RBMS3: variants seen among roughly 807,000 people sequenced by gnomAD.
RBMS3 encodes the protein RNA-binding motif, single-stranded-interacting protein 3.
RBMS3 carries 27 observed loss-of-function variants against 66.8 expected under a neutral mutation model. The ratio of observed to expected loss-of-function variants is 0.40; its 90% CI spans 0.30 to 0.56. The LOEUF is 0.56. Ranked by LOEUF, RBMS3 falls within the 20% of genes least tolerant of loss-of-function variation. The probability of loss-of-function intolerance (pLI) is 0.40; values close to 1 mark genes in which losing one functional copy is unlikely to be tolerated. For synonymous variants in RBMS3, 188 were observed against 183.0 expected, an observed-to-expected ratio of 1.03 and a Z score of -0.22; for missense variants, 513 against 549.5, an observed-to-expected ratio of 0.93 and a Z score of 0.66.
At chr3:29,994,568 C>T (rs1359443248) in intron 14 of RBMS3, among the ~76,000 whole-genome samples, 29 of 152,326 alleles carry the variant, frequency 1.9e-4, no homozygotes, top group African/African-American at 5.1e-4. Flanking sequence ...TCTCCCAGCA[C>T]GCAGCTGGAG....
intron 2 of RBMS3, among the ~76,000 whole-genome samples, chr3:29,444,233 C>T (rs1218488394): frequency 6.6e-6 from 1 of 152,018 alleles, no homozygotes; most frequent in Non-Finnish European, 1.5e-5. Context: ...GTGAGTACTT[C>T]ATATTACATA....
chr3:29,835,383 TC>T (rs1245085758), intron 6 of RBMS3, among the ~76,000 whole-genome samples: 2 of 151,934 alleles, frequency 1.3e-5, no homozygotes, highest in Non-Finnish European at 2.9e-5. Context: ...CATATGTTAA[TC>T]CACAAAACAA....
At chr3:29,929,255 T>C (rs1369765301) in intron 10 of RBMS3, among the ~76,000 whole-genome samples, 1 of 152,200 alleles carries the variant, frequency 6.6e-6, no homozygotes, top group Non-Finnish European at 1.5e-5. Flanking sequence ...AAAAGCCACT[T>C]TGCTCTATTA....
intron 4 of RBMS3, among the ~76,000 whole-genome samples, chr3:29,663,768 A>T (rs1013019997): frequency 6.6e-6 from 1 of 152,130 alleles, no homozygotes; most frequent in South Asian, 2.1e-4. Context: ...AAAAAAAATT[A>T]TATTTCAGAT....
At chr3:29,475,869 A>T (rs1247648185) in intron 2 of RBMS3, among the ~76,000 whole-genome samples, 1 of 152,156 alleles carries the variant, frequency 6.6e-6, no homozygotes, top group Non-Finnish European at 1.5e-5. Flanking sequence ...ATTTAAGCTT[A>T]TTAAAAAAAA....
chr3:29,719,955 A>G (rs1303195087), intron 4 of RBMS3, among the ~76,000 whole-genome samples: 2 of 150,820 alleles, frequency 1.3e-5, no homozygotes, highest in African/African-American at 4.9e-5. Context: ...TAGGCAAATC[A>G]GATTTTGTCT....
chr3:29,461,978 G>A (rs931486008), intron 2 of RBMS3, among the ~76,000 whole-genome samples: 9 of 123,906 alleles, frequency 7.3e-5, no homozygotes, highest in Admixed American at 3.3e-4. Context: ...AGGTTTCACC[G>A]TGTTAGCCAG....
At chr3:29,854,764 A>AT (rs979900572) in intron 6 of RBMS3, among the ~76,000 whole-genome samples, 2 of 152,186 alleles carry the variant, frequency 1.3e-5, no homozygotes, top group African/African-American at 2.4e-5. Flanking sequence ...AATGTAGCAT[A>AT]TTTAGGTCCT....
intron 1 of RBMS3, among the ~76,000 whole-genome samples, chr3:29,407,830 T>C (rs2040089037): frequency 6.6e-6 from 1 of 152,226 alleles, no homozygotes; most frequent in African/African-American, 2.4e-5. Flanking sequence ...TGTAATATTT[T>C]TGTGCATAAA....
At chr3:29,474,135 C>A (rs2125805763) in intron 2 of RBMS3, among the ~76,000 whole-genome samples, 1 of 152,370 alleles carries the variant, frequency 6.6e-6, no homozygotes, top group Non-Finnish European at 1.5e-5. Flanking sequence ...CAAGGATAAC[C>A]ACGATCCTGA....
intron 1 of RBMS3, among the ~76,000 whole-genome samples, chr3:29,320,149 A>G (rs942792954): frequency 4.6e-5 from 7 of 152,064 alleles, no homozygotes; most frequent in Admixed American, 3.9e-4. Flanking sequence ...TGGGTTATTT[A>G]GATCACCTTT....
rs1473952111 is a variant in RBMS3 at position 29,854,912 on chromosome 3, G to A, written c.638-13946G>A. Reference sequence around the variant, plus strand: ...TCTAAAATGCATCACTGTGATGCCTGCAATTGACTGTACTATTTCTATGCT... The same window carrying A: ...TCTAAAATGCATCACTGTGATGCCTACAATTGACTGTACTATTTCTATGCT... On this transcript the variant is annotated intron_variant, in intron 6 of 14. Transcript: ENST00000383767. Among the ~76,000 whole-genome samples, 3 of 152,268 alleles carry A rather than the reference G, an allele frequency of 2.0e-5. No individual in the cohort carries two copies. The South Asian group carries it at 6.2e-4, about 32-fold the overall frequency.
intron 3 of RBMS3, among the ~76,000 whole-genome samples, chr3:29,548,621 G>T (rs756123078): frequency 6.6e-6 from 1 of 151,292 alleles, no homozygotes; most frequent in Non-Finnish European, 1.5e-5. Flanking sequence ...AAACTGTATC[G>T]AACCTGAAAA....
At chr3:29,443,842 A>T (rs2041717978) in intron 2 of RBMS3, among the ~76,000 whole-genome samples, 1 of 152,138 alleles carries the variant, frequency 6.6e-6, no homozygotes, top group Non-Finnish European at 1.5e-5. Flanking sequence ...CATGAATGGC[A>T]TATGACAAAA....
intron 1 of RBMS3, among the ~76,000 whole-genome samples, chr3:29,301,765 T>C (rs1559471989): frequency 2.0e-5 from 3 of 152,038 alleles, no homozygotes; most frequent in African/African-American, 7.2e-5. Flanking sequence ...AAGAAGCCTC[T>C]GAAAGACTTG....
At chr3:29,835,751 C>T (rs2058489522) in intron 6 of RBMS3, among the ~76,000 whole-genome samples, 1 of 151,130 alleles carries the variant, frequency 6.6e-6, no homozygotes, top group Non-Finnish European at 1.5e-5. Context: ...CCAAATTTAG[C>T]AAAAGGAAGG....
chr3:29,905,601 C>G (rs1034833800), intron 10 of RBMS3, among the ~76,000 whole-genome samples: 2 of 152,108 alleles, frequency 1.3e-5, no homozygotes, highest in South Asian at 2.1e-4. Context: ...TCCTGCTTCT[C>G]TATTTCCTTT....
intron 7 of RBMS3, among the ~76,000 whole-genome samples, chr3:29,871,141 C>T (rs2059481720): frequency 1.3e-5 from 2 of 152,098 alleles, no homozygotes; most frequent in South Asian, 4.2e-4. Context: ...CCAGGAAATT[C>T]TGGTTACTGT....
chr3:29,500,909 T>A (rs1391158492), intron 3 of RBMS3, among the ~76,000 whole-genome samples: 3 of 151,942 alleles, frequency 2.0e-5, no homozygotes, highest in East Asian at 1.9e-4. Context: ...TCAAAGAGAG[T>A]TTAAAAATTG....
Sources: gnomAD v4.1 joint callset for allele counts (sites outside exome capture counted in the v4.1 genomes callset) on GRCh38, gnomAD v4.1.1 for gene constraint, MANE v1.5 for transcripts, NCBI Gene and HGNC (gene_info 2026-07-23, HGNC 2026-07-21) for gene names.